The following ABCA7 variants were observed in gnomAD, a reference collection of about 807,000 sequenced individuals.
ABCA7 encodes the protein phospholipid-transporting ATPase ABCA7.
ABCA7 carries 261 observed loss-of-function variants against 227.6 expected under a neutral mutation model. That is an observed-to-expected ratio of 1.15 (90% confidence interval 1.04 to 1.27). ABCA7 has a LOEUF of 1.27. Among genes scored for constraint, ABCA7 ranks in the 50% most tolerant of loss-of-function variants. The probability of loss-of-function intolerance (pLI) is 0.00; values close to 1 mark genes in which losing one functional copy is unlikely to be tolerated. For missense variants in ABCA7, 3,331 were observed against 2,924.5 expected (o/e 1.14, Z -3.21); for synonymous variants, 1,488 against 1,279.7 (o/e 1.16, Z -3.47).
At chr19:1,041,683 C>A in intron 3 of ABCA7, 80 bp downstream of exon 3, 2 of 1,572,992 alleles carry the variant, frequency 1.3e-6, no homozygotes, top group East Asian at 4.5e-5. Context: ...ATCCCCCGTG[C>A]ATGTCAGGGA....
chr19:1,053,221 C>T (rs2041931987), intron 23 of ABCA7, 108 bp from the exon 24 acceptor site: 2 of 1,203,404 alleles, frequency 1.7e-6, no homozygotes, highest in South Asian at 1.5e-5. Flanking sequence ...TAACCCTGAT[C>T]TCTGTCTGCC....
Position 1,064,037 on chromosome 19 carries a change from G to T in ABCA7, c.5952-124G>T. 6 of 1,345,204 alleles carry T rather than the reference G, an allele frequency of 4.5e-6. No homozygotes were observed. In the South Asian group the frequency reaches 5.8e-5, roughly 13 times the overall value. The allele number at this position is 1,345,204 out of a possible 1,614,324, so 83.3% of individuals were successfully genotyped here. Reference sequence around the variant, plus strand: ...GGGACGCGGCGCCGGGATCAGAACGGTCTGGGGAAGAGTGGGGAGATGTCC... The same window carrying T: ...GGGACGCGGCGCCGGGATCAGAACGTTCTGGGGAAGAGTGGGGAGATGTCC... On this transcript the variant is annotated intron_variant, in intron 44 of 46. Coordinates refer to ENST00000263094, the MANE Select transcript of ABCA7 (RefSeq NM_019112.4).
chr19:1,060,207 A>ATATATATATATATATATATATTTTTT, intron 40 of ABCA7, among the ~76,000 whole-genome samples: 7 of 96,864 alleles, frequency 7.2e-5, no homozygotes, highest in African/African-American at 2.1e-4. Flanking sequence ...ATATATATAT[A>ATATATATATATATATATATATTTTTT]TTTTTTTTTC....
chr19:1,055,436 G>T, intron 30 of ABCA7, 85 bp downstream of exon 30: 2 of 1,439,920 alleles, frequency 1.4e-6, no homozygotes, highest in Non-Finnish European at 1.8e-6. Context: ...GGAGGAGGAA[G>T]TGGAGGGGTT....
chr19:1,059,505 T>C (rs558870038), intron 40 of ABCA7, among the ~76,000 whole-genome samples: 49 of 151,632 alleles, frequency 3.2e-4, no homozygotes, highest in Middle Eastern at 3.4e-3. Context: ...GACCTCGTGA[T>C]CCACCCGCCT....
rs549795768 is a variant in ABCA7 at position 1,054,660 on chromosome 19, C to G, written c.3817C>G (p.Pro1273Ala). ...FGHYPALRLSPTMYGAQVSFF... is the reference protein window; with the variant it reads ...FGHYPALRLSATMYGAQVSFF... ...GCACTACCCGGCTCTGCGGCTCAGT[C>G]CCACCATGTACGGTGCTCAGGTGTC... Residue 1273 changes from proline to alanine, a missense_variant, in exon 28 of 47, where the codon CCC becomes GCC. Transcript: ENST00000263094. This position sits in a 1 kb window ranked among gnomAD's most constrained non-coding sequence, Gnocchi z 4.8. 17 of 1,613,448 alleles carry G rather than the reference C, an allele frequency of 1.1e-5. 1 individual carries two copies. In the East Asian group the frequency reaches 2.9e-4, roughly 27 times the overall value.
At chr19:1,044,935 G>A in intron 11 of ABCA7, 67 bp from the exon 12 acceptor site, 2 of 1,568,368 alleles carry the variant, frequency 1.3e-6, no homozygotes, top group South Asian at 2.3e-5. Context: ...AGGTCCAGGG[G>A]GAGGAGCGGA....
chr19:1,052,221 C>G lies in ABCA7; in HGVS notation c.3155C>G (p.Thr1052Ser). Residue 1052 changes from threonine (T) to serine (S), a missense_variant, in exon 23 of 47, where the codon ACT becomes AGT. Physicochemically the swap from Thr to Ser is moderately conservative, Grantham distance 58. Coordinates refer to ENST00000263094, the MANE Select transcript of ABCA7 (RefSeq NM_019112.4). ...LPLTTNEKAD[T>S]DMEGSVDTRQ... ...GTGCCTCTCTGCCCGCAGGCTGACA[C>G]TGACATGGAGGGCAGTGTGGACACC... 4 of 1,582,756 alleles carry G rather than the reference C, an allele frequency of 2.5e-6. No individual in the cohort carries two copies. The highest frequency in any genetic ancestry group is 3.4e-6 in the Non-Finnish European group (4 of 1,165,426).
chr19:1,058,986 G>T (rs1439740717), intron 39 of ABCA7, 37 bp from the exon 40 acceptor site: 1 of 1,613,422 alleles, frequency 6.2e-7, no homozygotes, highest in Non-Finnish European at 8.5e-7. Flanking sequence ...GCTCCCACTG[G>T]CCCACTCACC....
intron 11 of ABCA7, 117 bp from the exon 12 acceptor site, chr19:1,044,885 C>A: frequency 6.8e-7 from 1 of 1,471,878 alleles, no homozygotes; most frequent in Non-Finnish European, 9.1e-7. Context: ...AGGAGGGAGC[C>A]GGCCGTGGGC....
rs749674216 is a variant in ABCA7, at chr19:1,053,485, A to G, written c.3377A>G (p.Glu1126Gly). 2 of 1,586,312 alleles carry G rather than the reference A, an allele frequency of 1.3e-6. No individual in the cohort carries two copies. Among genetic ancestry groups the G allele is most frequent in the Admixed American group, 3.5e-5 (2 of 56,772 alleles). ...LFRELDTRLA[E>G]LRLTGYGISD... ...CGAGAGCTAGACACGCGGCTGGCGG[A>G]GCTGAGGCTCACTGGCTACGGGATC... The change falls in exon 24 of 47, where the codon GAG (glutamate) becomes GGG (glycine). Residue 1126 changes from glutamate (E) to glycine (G), a missense_variant. Transcript: ENST00000263094.
intron 13 of ABCA7, among the ~76,000 whole-genome samples, 177 bp downstream of exon 13, chr19:1,046,583 G>C (rs551387021): frequency 3.9e-5 from 6 of 152,138 alleles, no homozygotes; most frequent in Non-Finnish European, 7.4e-5. Flanking sequence ...GGTCTGGTGG[G>C]GGGGGGGACT....
chr19:1,048,191 TA>T (rs35966146), intron 16 of ABCA7, among the ~76,000 whole-genome samples: 55,409 of 101,322 alleles, frequency 0.55, 15,305 homozygotes, highest in East Asian at 0.71. Flanking sequence ...TCCATCTCTT[TA>T]AAAAAAAAAA....
rs1164437081 is a variant in ABCA7, at chr19:1,052,028, T to C, written c.3049T>C (p.Cys1017Arg). 35 of 1,612,144 alleles carry C rather than the reference T, an allele frequency of 2.2e-5. No individual in the cohort carries two copies. The highest frequency in any genetic ancestry group is 2.9e-5 in the Non-Finnish European group (34 of 1,179,908). ...RVAVVAGGRL[C>R]CCGSPLFLRR... is the part of the protein sequence containing the mutation. ...GGCCGTGGTGGCAGGTGGCCGCTTG[T>C]GCTGCTGTGGCTCCCCACTCTTCCT... Residue 1017 changes from cysteine (C) to arginine (R), a missense_variant, in exon 22 of 47, where the codon TGC becomes CGC. Physicochemically the swap from Cys to Arg is radical, Grantham distance 180 (BLOSUM62 -3). Transcript: ENST00000263094.
Position 1,056,307 on chromosome 19 carries a change from C to T in ABCA7, c.4417-23C>T. 5 of 1,610,386 alleles carry T rather than the reference C, an allele frequency of 3.1e-6. No individual in the cohort carries two copies. The highest frequency in any genetic ancestry group is 4.2e-6 in the Non-Finnish European group (5 of 1,178,664). ...AAGGTCCAACCCCATTGCTCTGACCCTATGACCTTGACCCCCACCCAGATC... is the reference window on the plus strand; with the variant it reads ...AAGGTCCAACCCCATTGCTCTGACCTTATGACCTTGACCCCCACCCAGATC... On this transcript the variant is annotated intron_variant, in intron 32 of 46. Transcript: ENST00000263094. This position sits in a 1 kb window ranked among gnomAD's most constrained non-coding sequence, Gnocchi z 4.3.
chr19:1,041,001 C>T (rs1479668695), intron 1 of ABCA7, among the ~76,000 whole-genome samples: 1 of 152,074 alleles, frequency 6.6e-6, no homozygotes, highest in African/African-American at 2.4e-5. Context: ...CCAGGTGAGG[C>T]TTGGGGTGGA....
At chr19:1,064,562 G>C (rs1438499167) in intron 45 of ABCA7, 2 of 502,844 alleles carry the variant, frequency 4.0e-6, no homozygotes, top group African/African-American at 2.0e-5. Flanking sequence ...GGGAGGGCCT[G>C]GTTAGTGGGC....
chr19:1,061,701 A>G, intron 40 of ABCA7, 81 bp from the exon 41 acceptor site: 1 of 709,942 alleles, frequency 1.4e-6, no homozygotes, highest in Non-Finnish European at 1.9e-6. Flanking sequence ...CTTGGTCTCA[A>G]AAAAAAAAAA....
chr19:1,041,448 C>G, intron 2 of ABCA7, 21 bp downstream of exon 2: 2 of 1,613,986 alleles, frequency 1.2e-6, no homozygotes, highest in Non-Finnish European at 1.7e-6. Context: ...AGTGTGAGAC[C>G]AGGGCCGGGT....
Sources: gnomAD v4.1 joint callset for allele counts (sites outside exome capture counted in the v4.1 genomes callset) on GRCh38, gnomAD v4.1.1 for gene constraint, Gnocchi (gnomAD v3.1) non-coding constraint, MANE v1.5 for transcripts, NCBI Gene and HGNC (gene_info 2026-07-23, HGNC 2026-07-21) for gene names.